DCLRE1C: variants seen among roughly 807,000 people sequenced by gnomAD.
DCLRE1C encodes the protein DNA cross-link repair 1C, also known as protein artemis.
In DCLRE1C, 47 loss-of-function variants were observed where a neutral mutation model predicts 61.4. The ratio of observed to expected loss-of-function variants is 0.77; its 90% CI spans 0.61 to 0.98. The LOEUF is 0.98. Among genes scored for constraint, DCLRE1C ranks in the 50% least tolerant of loss-of-function variants. The pLI, the probability that DCLRE1C is intolerant of heterozygous loss-of-function variation, is 0.00. For missense variants in DCLRE1C, 858 were observed against 816.0 expected (o/e 1.05, Z -0.63); for synonymous variants, 337 against 287.6 (o/e 1.17, Z -1.74).
At position 14,910,231 on chromosome 10, in the gene DCLRE1C, A is replaced by T. The variant is rs186185865; in HGVS notation, c.1157-901T>A. Among the ~76,000 whole-genome samples, 19 of 152,278 alleles carry T rather than the reference A, an allele frequency of 1.2e-4. No individual in the cohort carries two copies. In the East Asian group the frequency reaches 3.5e-3, roughly 28 times the overall value. On this transcript the variant is annotated intron_variant, in intron 13 of 13. Coordinates refer to ENST00000378278, the MANE Select transcript of DCLRE1C (RefSeq NM_001033855.3). The stretch of plus-strand genomic sequence containing the variant: ...AGGGTGTGCCAATACACACGACCCA[A>T]CCTCATTCTTAAAGGTTCAGTGTTA...
downstream of DCLRE1C, among the ~76,000 whole-genome samples, chr10:14,901,719 T>G (rs1321778449): frequency 1.3e-5 from 2 of 151,978 alleles, no homozygotes; most frequent in Non-Finnish European, 2.9e-5. Flanking sequence ...TAGTCCCAGC[T>G]ACTCGGGAGG....
intron 1 of DCLRE1C, among the ~76,000 whole-genome samples, chr10:14,951,494 G>C (rs1317653412): frequency 6.7e-6 from 1 of 149,370 alleles, no homozygotes; most frequent in Non-Finnish European, 1.5e-5. Context: ...TGTTTGAGCT[G>C]CTATCACAAG....
chr10:14,901,177 C>T (rs61730323), downstream of DCLRE1C: 8 of 1,613,776 alleles, frequency 5.0e-6, no homozygotes, highest in African/African-American at 1.3e-5. Flanking sequence ...TTGATAACCT[C>T]GATACTCGTC....
At chr10:14,902,925 TTC>T (rs1301087165), downstream of DCLRE1C, 1 of 153,912 alleles carries the variant, frequency 6.5e-6, no homozygotes, top group Non-Finnish European at 1.4e-5. Context: ...AAATCTACAG[TTC>T]TGTTTTTGCT....
intron 3 of DCLRE1C, among the ~76,000 whole-genome samples, chr10:14,942,836 C>A (rs1365035250): frequency 1.3e-5 from 2 of 152,044 alleles, no homozygotes; most frequent in African/African-American, 4.8e-5. Context: ...AGCTTAAGAG[C>A]AAACAGAAGC....
exon 14 of DCLRE1C, chr10:14,897,673 G>A: frequency 1.7e-6 from 1 of 589,232 alleles, no homozygotes; most frequent in Non-Finnish European, 2.5e-6. Flanking sequence ...AGAGTTCACT[G>A]GCATATTTAG....
intron 11 of DCLRE1C, 40 bp downstream of exon 11, chr10:14,926,803 A>C (rs1838066038): frequency 6.5e-7 from 1 of 1,534,532 alleles, no homozygotes; most frequent in Non-Finnish European, 9.0e-7. Context: ...GCTGCAGAAC[A>C]CTGAGCGATA....
intron 11 of DCLRE1C, 36 bp from the exon 12 acceptor site, chr10:14,923,105 T>C (rs1423296662): frequency 1.4e-6 from 2 of 1,474,952 alleles, no homozygotes; most frequent in East Asian, 2.3e-5. Context: ...CAACAATCTC[T>C]ACGATGAAAC....
intron 7 of DCLRE1C, 62 bp from the exon 8 acceptor site, chr10:14,934,582 C>T (rs1839587711): frequency 6.2e-7 from 1 of 1,613,928 alleles, no homozygotes; most frequent in East Asian, 2.2e-5. Context: ...TTTTCCTTCC[C>T]AACAGTCCCA....
At position 14,929,178 on chromosome 10, in the gene DCLRE1C, G is replaced by C. The variant is rs537058365; in HGVS notation, c.781-1026C>G. On this transcript the variant is annotated intron_variant, in intron 9 of 13. Coordinates refer to ENST00000378278, the MANE Select transcript of DCLRE1C (RefSeq NM_001033855.3). ...CCAGCACTCTGGGAGGCTGAGGCAG[G>C]TGGATCACTTGAGGTCAGGAGTCCA... Among the ~76,000 whole-genome samples the C allele has an allele frequency of 5.3e-5, 8 of 152,276 alleles. 1 individual carries two copies. The highest frequency in any genetic ancestry group is 4.6e-4 in the Admixed American group (7 of 15,292).
intron 5 of DCLRE1C, among the ~76,000 whole-genome samples, chr10:14,936,052 C>T (rs1331234700): frequency 6.6e-6 from 1 of 152,158 alleles, no homozygotes; most frequent in Non-Finnish European, 1.5e-5. Flanking sequence ...TGCCACCACA[C>T]CCGGCTAATG....
At chr10:14,916,401 C>A (rs901477933) in intron 13 of DCLRE1C, among the ~76,000 whole-genome samples, 12 of 152,152 alleles carry the variant, frequency 7.9e-5, no homozygotes, top group African/African-American at 2.9e-4. Flanking sequence ...GATACAAGAT[C>A]AAAAATCAAT....
chr10:14,943,052 G>A (rs182148951), intron 3 of DCLRE1C, among the ~76,000 whole-genome samples: 1 of 152,266 alleles, frequency 6.6e-6, no homozygotes, highest in East Asian at 1.9e-4. Flanking sequence ...GCTTGAACCG[G>A]TTAGATGGAG....
intron 3 of DCLRE1C, among the ~76,000 whole-genome samples, chr10:14,944,715 C>T (rs571842590): frequency 4.2e-4 from 61 of 144,242 alleles, no homozygotes; most frequent in South Asian, 2.0e-3. Flanking sequence ...CACTCTGTTG[C>T]CCAGGCTGGA....
Position 14,908,344 on chromosome 10 carries a change from AT to A in DCLRE1C, c.*63del, listed in dbSNP as rs1834655086. 1 of 1,262,960 alleles carries A rather than the reference AT, an allele frequency of 7.9e-7. No individual in the cohort carries two copies. Among genetic ancestry groups the A allele is most frequent in the South Asian group, 1.2e-5 (1 of 83,112 alleles). The allele number at this position is 1,262,960 out of a possible 1,614,324, so 78.2% of individuals were successfully genotyped here. ...TAAGTACTGTATTTTCTCTATTGTA[AT>A]ATTGACTGTCATCTCTGTGCAGGTT... On this transcript the variant is annotated 3_prime_UTR_variant, in exon 14 of 14. Transcript: ENST00000378278.
chr10:14,953,871 C>G, intron 1 of DCLRE1C, 31 bp downstream of exon 1: 1 of 1,612,916 alleles, frequency 6.2e-7, no homozygotes, highest in Non-Finnish European at 8.5e-7. Context: ...CCCAGCGCCC[C>G]GGGAGCGGGC....
intron 10 of DCLRE1C, among the ~76,000 whole-genome samples, chr10:14,927,577 G>T (rs1361180580): frequency 6.9e-6 from 1 of 144,256 alleles, no homozygotes; most frequent in Non-Finnish European, 1.5e-5. Context: ...AGGGAGTGGG[G>T]GGGGAGAAAG....
chr10:14,897,484 A>G, exon 14 of DCLRE1C: 1 of 1,572,908 alleles, frequency 6.4e-7, no homozygotes, highest in Middle Eastern at 1.7e-4. Context: ...TGAAGATTAA[A>G]AGAATGAGTT....
chr10:14,952,425 T>C (rs375357085), intron 1 of DCLRE1C, among the ~76,000 whole-genome samples: 3 of 151,988 alleles, frequency 2.0e-5, no homozygotes, highest in East Asian at 1.9e-4. Flanking sequence ...TCATCTCTAC[T>C]AAAAACACAA....
Sources: gnomAD v4.1 joint callset for allele counts (sites outside exome capture counted in the v4.1 genomes callset) on GRCh38, gnomAD v4.1.1 for gene constraint, MANE v1.5 for transcripts, NCBI Gene and HGNC (gene_info 2026-07-23, HGNC 2026-07-21) for gene names.